ACSF2: variants seen among roughly 807,000 people sequenced by gnomAD.
ACSF2 encodes the protein medium-chain acyl-CoA ligase ACSF2, mitochondrial.
A neutral mutation model predicts 79.3 loss-of-function variants in ACSF2; 52 were observed. That is an observed-to-expected ratio of 0.66 (90% confidence interval 0.53 to 0.83). The LOEUF is 0.83. ACSF2 is among the 40% of genes least tolerant of loss of function. The pLI, the probability that ACSF2 is intolerant of heterozygous loss-of-function variation, is 0.00. For synonymous variants in ACSF2, 283 were observed against 312.6 expected, an observed-to-expected ratio of 0.91 and a Z score of 1.00; for missense variants, 661 against 803.3, an observed-to-expected ratio of 0.82 and a Z score of 2.14.
chr17:50,451,444 GT>G (rs1179545410), intron 1 of ACSF2, among the ~76,000 whole-genome samples: 4 of 151,982 alleles, frequency 2.6e-5, no homozygotes, highest in Non-Finnish European at 5.9e-5. Context: ...TTGTTATTTT[GT>G]TTTTTTATTT....
Position 50,427,895 on chromosome 17 carries a change from C to G in ACSF2, c.128+1506C>G, listed in dbSNP as rs78073581. Reference sequence around the variant, plus strand: ...CTTATTGCTGTGTCAGGAGGAGACTCATTTATCCAGACAGATGATTTTCTG... The same window carrying G: ...CTTATTGCTGTGTCAGGAGGAGACTGATTTATCCAGACAGATGATTTTCTG... On this transcript the variant is annotated intron_variant, in intron 1 of 15. Transcript: ENST00000300441. Among the ~76,000 whole-genome samples, 1,517 of 152,298 alleles carry G rather than the reference C, an allele frequency of 1.0e-2. 26 individuals are homozygous for G. Among genetic ancestry groups the G allele is most frequent in the African/African-American group, 0.035 (1,447 of 41,554 alleles).
At chr17:50,460,426 C>G in intron 1 of ACSF2, 1 of 528,648 alleles carries the variant, frequency 1.9e-6, no homozygotes, top group South Asian at 2.0e-5. Context: ...CTCACCTTTC[C>G]CGGGAAGGCG....
intron 1 of ACSF2, among the ~76,000 whole-genome samples, chr17:50,454,878 C>G (rs1021799806): frequency 6.6e-6 from 1 of 152,074 alleles, no homozygotes; most frequent in Admixed American, 6.5e-5. Flanking sequence ...ATCAGCCTGC[C>G]GATTTCCCAA....
At position 50,465,860 on chromosome 17, in the gene ACSF2, C is replaced by T. The variant is rs560202078; in HGVS notation, c.1215+1566C>T. ...CAGCGTGGTTACACCCAGGAAGGCA[C>T]CATCTGAGAACTGGGGAGCAAGGTG... On this transcript the variant is annotated intron_variant, in intron 10 of 15. Coordinates refer to ENST00000300441, the MANE Select transcript of ACSF2 (RefSeq NM_025149.6). 594 of 1,613,772 alleles carry T rather than the reference C, an allele frequency of 3.7e-4. 6 individuals are homozygous for T. In the South Asian group the frequency reaches 6.2e-3, roughly 17 times the overall value.
At chr17:50,456,524 G>A (rs1056498328) in intron 1 of ACSF2, among the ~76,000 whole-genome samples, 1 of 151,854 alleles carries the variant, frequency 6.6e-6, no homozygotes, top group Non-Finnish European at 1.5e-5. Flanking sequence ...CCTGAGGTCG[G>A]GAGTTTGAGA....
rs1764701740 is a variant in ACSF2, at chr17:50,462,144, GCTCCCCGCTGACTGGAGGTGGGGGA to G, written c.508-33_508-9del. ...GACTCCCCCAGAGCTCTAGTCTGGG[GCTCCCCGCTGACTGGAGGTGGGGGA>G]CTCCCCTTCCACAGGTGGGCTGCAA... On this transcript the variant is annotated splice_polypyrimidine_tract_variant and intron_variant, in intron 4 of 15. Transcript: ENST00000300441. The G allele has an allele frequency of 1.3e-6, 2 of 1,583,322 alleles. No homozygotes were observed. The highest frequency in any genetic ancestry group is 1.7e-6 in the Non-Finnish European group (2 of 1,154,166).
At chr17:50,445,178 G>A (rs1221481495) in intron 1 of ACSF2, among the ~76,000 whole-genome samples, 1 of 152,202 alleles carries the variant, frequency 6.6e-6, no homozygotes, top group Non-Finnish European at 1.5e-5. Context: ...CCCTCCCAAA[G>A]TGTTGGGATT....
intron 10 of ACSF2, 75 bp from the exon 11 acceptor site, chr17:50,470,953 C>T: frequency 9.1e-7 from 1 of 1,095,342 alleles, no homozygotes; most frequent in Non-Finnish European, 1.4e-6. Flanking sequence ...AATTCCTTCC[C>T]ATTTCCTCAG....
intron 1 of ACSF2, among the ~76,000 whole-genome samples, chr17:50,437,257 A>G (rs1212371873): frequency 6.6e-6 from 1 of 152,272 alleles, no homozygotes; most frequent in Non-Finnish European, 1.5e-5. Flanking sequence ...CCAATGAGCT[A>G]TAACACAAGA....
intron 10 of ACSF2, chr17:50,467,951 CG>C: frequency 1.4e-6 from 2 of 1,380,104 alleles, no homozygotes; most frequent in Non-Finnish European, 2.0e-6. Flanking sequence ...AACCTGGGGA[CG>C]GGGGATGGTG....
chr17:50,426,297 G>A lies in ACSF2; in HGVS notation c.36G>A (p.Arg12=). The change falls in exon 1 of 16, where the codon AGG becomes AGA. Residue 12 remains arginine (R), a synonymous_variant. Transcript: ENST00000300441. ...AVYVGMLRLG[R]LCAGSSGVLG... is the part of the protein sequence containing the mutation. ...ACGTCGGGATGCTGCGCCTGGGGAGGCTGTGCGCCGGGAGCTCGGGGGTGC... is the reference window on the plus strand; with the variant it reads ...ACGTCGGGATGCTGCGCCTGGGGAGACTGTGCGCCGGGAGCTCGGGGGTGC... The A allele has an allele frequency of 7.1e-7, 1 of 1,415,096 alleles. No homozygotes were observed. Among genetic ancestry groups the A allele is most frequent in the Non-Finnish European group, 9.3e-7 (1 of 1,079,482 alleles). The allele number at this position is 1,415,096 out of a possible 1,614,324, so 87.7% of individuals were successfully genotyped here.
chr17:50,467,959 G>A, intron 10 of ACSF2: 2 of 1,427,924 alleles, frequency 1.4e-6, no homozygotes, highest in Non-Finnish European at 1.9e-6. Context: ...GACGGGGGAT[G>A]GTGCCAGCTG....
intron 1 of ACSF2, among the ~76,000 whole-genome samples, chr17:50,428,936 G>A (rs1181569064): frequency 1.3e-5 from 2 of 152,246 alleles, no homozygotes; most frequent in Admixed American, 1.3e-4. Flanking sequence ...CAGCCTCGTA[G>A]GAGGAGAAAT....
chr17:50,472,605 C>T, intron 12 of ACSF2, 26 bp downstream of exon 12: 3 of 1,569,496 alleles, frequency 1.9e-6, no homozygotes, highest in Admixed American at 1.9e-5. Context: ...GGGGTGGAGG[C>T]TCTGGCCGCT....
At chr17:50,469,028 G>A (rs2032957424) in intron 10 of ACSF2, 4 of 1,337,574 alleles carry the variant, frequency 3.0e-6, no homozygotes, top group Non-Finnish European at 3.8e-6. Flanking sequence ...AAGGGGGCGG[G>A]GCCGTTCCCC....
At chr17:50,456,563 T>C (rs907781442) in intron 1 of ACSF2, among the ~76,000 whole-genome samples, 1 of 151,546 alleles carries the variant, frequency 6.6e-6, no homozygotes, top group African/African-American at 2.4e-5. Context: ...AGAAACTCTG[T>C]CTCTACTAAA....
At chr17:50,470,127 G>A in intron 10 of ACSF2, 1 of 152,778 alleles carries the variant, frequency 6.5e-6, no homozygotes. Context: ...GGGAAGCTTG[G>A]TGCAGGGAGG....
intron 2 of ACSF2, 55 bp downstream of exon 2, chr17:50,460,927 C>T: frequency 6.5e-7 from 1 of 1,548,866 alleles, no homozygotes; most frequent in Non-Finnish European, 8.8e-7. Flanking sequence ...CCAAGCTGCC[C>T]TAGCTGGGCA....
intron 1 of ACSF2, among the ~76,000 whole-genome samples, chr17:50,444,400 A>G (rs1257416614): frequency 1.3e-5 from 2 of 152,036 alleles, no homozygotes; most frequent in East Asian, 3.9e-4. Flanking sequence ...TAAAAATACA[A>G]AAAAATTAGT....
Sources: gnomAD v4.1 joint callset for allele counts (sites outside exome capture counted in the v4.1 genomes callset) on GRCh38, gnomAD v4.1.1 for gene constraint, MANE v1.5 for transcripts, NCBI Gene and HGNC (gene_info 2026-07-23, HGNC 2026-07-21) for gene names.